Variants in AKAP6 observed in about 807,000 individuals in gnomAD.
AKAP6 encodes A-kinase anchoring protein 6.
In AKAP6, 58 loss-of-function variants were observed where a neutral mutation model predicts 188.5. The ratio of observed to expected loss-of-function variants is 0.31; its 90% CI spans 0.25 to 0.38. AKAP6 has a LOEUF of 0.38. AKAP6 is among the 10% of genes least tolerant of loss of function. The pLI, the probability that AKAP6 is intolerant of heterozygous loss-of-function variation, is 1.00. For missense variants in AKAP6, 2,710 were observed against 2,740.0 expected (o/e 0.99, Z 0.24); for synonymous variants, 989 against 998.6 (o/e 0.99, Z 0.18).
chr14:32,789,447 C>A (rs954550551), intron 12 of AKAP6, among the ~76,000 whole-genome samples: 2 of 152,230 alleles, frequency 1.3e-5, no homozygotes, highest in Non-Finnish European at 1.5e-5. Context: ...ACAGGGGTCT[C>A]CAGCCACCTT....
chr14:32,752,702 G>A (rs2032184626), intron 11 of AKAP6, among the ~76,000 whole-genome samples: 1 of 152,086 alleles, frequency 6.6e-6, no homozygotes, highest in African/African-American at 2.4e-5. Context: ...CCCTAGCCCA[G>A]TCTCTGGCAA....
chr14:32,348,404 TTTTCTTTTG>T (rs1230366076), intron 1 of AKAP6, among the ~76,000 whole-genome samples: 9 of 124,492 alleles, frequency 7.2e-5, no homozygotes, highest in African/African-American at 3.2e-4. Flanking sequence ...GGGTTCTTTC[TTTTCTTTTG>T]TTTCTTTTTT....
At chr14:32,544,763 A>T (rs957519169) in intron 3 of AKAP6, among the ~76,000 whole-genome samples, 5 of 152,202 alleles carry the variant, frequency 3.3e-5, no homozygotes, top group African/African-American at 1.2e-4. Context: ...TAATTATTCT[A>T]CTTAAAAATA....
intron 7 of AKAP6, among the ~76,000 whole-genome samples, chr14:32,628,259 AAGAAT>A (rs970774758): frequency 2.0e-5 from 3 of 152,150 alleles, no homozygotes; most frequent in African/African-American, 4.8e-5. Context: ...TAAAGCTATT[AAGAAT>A]AGAAGTTTAA....
intron 3 of AKAP6, among the ~76,000 whole-genome samples, chr14:32,540,174 A>C (rs1385459658): frequency 0.027 from 2,917 of 109,446 alleles, 51 homozygotes; most frequent in Non-Finnish European, 0.04. Flanking sequence ...CTCTCTATAT[A>C]TATATATATA....
chr14:32,352,549 T>C (rs1015667692), intron 1 of AKAP6, among the ~76,000 whole-genome samples: 3 of 152,156 alleles, frequency 2.0e-5, no homozygotes, highest in Admixed American at 6.6e-5. Context: ...CCAATCTCCC[T>C]CCATCTCTCC....
intron 1 of AKAP6, among the ~76,000 whole-genome samples, chr14:32,356,381 T>C (rs1887486036): frequency 6.6e-6 from 1 of 152,148 alleles, no homozygotes; most frequent in Non-Finnish European, 1.5e-5. Context: ...CCTTCCTCTG[T>C]TTGTCTCACA....
chr14:32,446,556 A>G (rs755088047), intron 2 of AKAP6, among the ~76,000 whole-genome samples: 8 of 152,048 alleles, frequency 5.3e-5, no homozygotes, highest in Admixed American at 6.6e-5. Flanking sequence ...GACATGTAAG[A>G]ATAGATTGTT....
chr14:32,789,509 T>C (rs1367543807), intron 12 of AKAP6, among the ~76,000 whole-genome samples: 1 of 152,162 alleles, frequency 6.6e-6, no homozygotes, highest in African/African-American at 2.4e-5. Flanking sequence ...GGAACGGAGC[T>C]TCCAGAGGAA....
At chr14:32,460,890 G>A (rs1891300352) in intron 2 of AKAP6, among the ~76,000 whole-genome samples, 1 of 152,346 alleles carries the variant, frequency 6.6e-6, no homozygotes, top group African/African-American at 2.4e-5. Context: ...GTGGGGAGGG[G>A]CATCCACCAT....
chr14:32,484,758 T>C, intron 2 of AKAP6: 1 of 215,440 alleles, frequency 4.6e-6, no homozygotes, highest in Non-Finnish European at 6.8e-6. Context: ...AGTGTTCCAA[T>C]GTCTTTGTGG....
At chr14:32,466,848 T>A (rs1222947248) in intron 2 of AKAP6, among the ~76,000 whole-genome samples, 6,936 of 143,954 alleles carry the variant, frequency 0.048, 203 homozygotes, top group East Asian at 0.065. Flanking sequence ...TATATATATT[T>A]TCTTTCTTAG....
intron 7 of AKAP6, among the ~76,000 whole-genome samples, chr14:32,661,274 A>C (rs180792629): frequency 7.2e-5 from 11 of 152,178 alleles, no homozygotes; most frequent in Admixed American, 6.5e-4. Context: ...ATTGTATAAT[A>C]ATAAATCCTG....
Position 32,540,159 on chromosome 14 carries a change from TCTC to T in AKAP6, c.576+4355_576+4357del, listed in dbSNP as rs1566563388. On this transcript the variant is annotated intron_variant, in intron 3 of 13. Transcript: ENST00000280979. ...CTCTCTCTCTCTCTCTCTCTCTCTCTCTCTCTCTCTATATATATATATATATAT... is the reference window on the plus strand; with the variant it reads ...CTCTCTCTCTCTCTCTCTCTCTCTCTTCTCTCTATATATATATATATATAT... Among the ~76,000 whole-genome samples the T allele has an allele frequency of 8.7e-3, 1,041 of 119,040 alleles. 26 individuals are homozygous for T. The highest frequency in any genetic ancestry group is 0.033 in the African/African-American group (895 of 27,254). 78.1% of individuals were successfully genotyped at this position (119,040 alleles called of 152,430 possible).
intron 12 of AKAP6, among the ~76,000 whole-genome samples, chr14:32,796,321 A>G (rs1007620731): frequency 6.6e-6 from 1 of 152,224 alleles, no homozygotes; most frequent in Non-Finnish European, 1.5e-5. Context: ...AATAACCAAG[A>G]CAATCCTAAG....
intron 13 of AKAP6, among the ~76,000 whole-genome samples, chr14:32,825,564 T>C (rs2034652798): frequency 6.6e-6 from 1 of 152,174 alleles, no homozygotes; most frequent in South Asian, 2.1e-4. Flanking sequence ...AGAAAGTCAT[T>C]CCACTCTTCA....
At chr14:32,751,982 G>C (rs2032157272) in intron 11 of AKAP6, among the ~76,000 whole-genome samples, 1 of 152,012 alleles carries the variant, frequency 6.6e-6, no homozygotes. Flanking sequence ...TTCAAATTGG[G>C]CCCTCATTTG....
chr14:32,810,924 C>T (rs1382825783), intron 12 of AKAP6, among the ~76,000 whole-genome samples: 1 of 152,104 alleles, frequency 6.6e-6, no homozygotes, highest in Admixed American at 6.6e-5. Flanking sequence ...AGACAAGTTT[C>T]CTTGACAGGC....
At chr14:32,416,941 A>G (rs144179145) in intron 1 of AKAP6, among the ~76,000 whole-genome samples, 374 of 152,302 alleles carry the variant, frequency 2.5e-3, no homozygotes, top group African/African-American at 8.1e-3. Context: ...CCTGGGTTCA[A>G]CCGACTCTCA....
Sources: allele counts gnomAD v4.1 joint callset (sites outside exome capture counted in the v4.1 genomes callset), GRCh38; gene constraint gnomAD v4.1.1; transcripts MANE v1.5; gene names NCBI Gene and HGNC (gene_info 2026-07-23, HGNC 2026-07-21).